The following ZNF638 variants were observed in gnomAD, a reference collection of about 807,000 sequenced individuals.
The protein encoded by ZNF638 is CTCL tumor antigen se33-1.
A neutral mutation model predicts 195.6 loss-of-function variants in ZNF638; 46 were observed. The observed-to-expected ratio is 0.24, with a 90% CI of 0.19 to 0.30. ZNF638 has a LOEUF of 0.30. Ranked by LOEUF, ZNF638 falls within the 10% of genes least tolerant of loss-of-function variation. The pLI, the probability that ZNF638 is intolerant of heterozygous loss-of-function variation, is 1.00. For missense variants in ZNF638, 2,440 were observed against 2,325.3 expected (o/e 1.05, Z -1.01); for synonymous variants, 845 against 772.0 (o/e 1.09, Z -1.57).
chr2:71,364,397 C>G (rs1283969875), intron 5 of ZNF638, 145 bp downstream of exon 5: 5 of 860,578 alleles, frequency 5.8e-6, no homozygotes, highest in Non-Finnish European at 8.6e-6. Flanking sequence ...CAGAGTTATT[C>G]CCTCTGGTAA....
intron 8 of ZNF638, 108 bp downstream of exon 8, chr2:71,370,113 C>A: frequency 8.3e-7 from 1 of 1,207,054 alleles, no homozygotes; most frequent in Non-Finnish European, 1.2e-6. Context: ...TAAATGTTAG[C>A]TCAACACATT....
intron 27 of ZNF638, among the ~76,000 whole-genome samples, chr2:71,434,299 C>T (rs760982980): frequency 3.3e-5 from 5 of 152,082 alleles, no homozygotes; most frequent in Non-Finnish European, 7.4e-5. Flanking sequence ...ACTCGCATGG[C>T]CAGTTCTTCA....
At chr2:71,424,873 A>G (rs998304954) in intron 23 of ZNF638, among the ~76,000 whole-genome samples, 158 bp downstream of exon 23, 1 of 152,126 alleles carries the variant, frequency 6.6e-6, no homozygotes, top group African/African-American at 2.4e-5. Context: ...CTCTAATCCT[A>G]CCATTAATTT....
At chr2:71,430,295 T>C (rs895934673) in intron 25 of ZNF638, among the ~76,000 whole-genome samples, 7 of 152,134 alleles carry the variant, frequency 4.6e-5, no homozygotes, top group Non-Finnish European at 8.8e-5. Context: ...ATTACCCTGA[T>C]GAAGAAATAA....
intron 1 of ZNF638, among the ~76,000 whole-genome samples, chr2:71,338,515 C>T (rs973625569): frequency 7.9e-5 from 12 of 152,180 alleles, no homozygotes; most frequent in African/African-American, 2.7e-4. Flanking sequence ...CTTGCTCAAA[C>T]TTATGATGTA....
rs546690001 is a variant in ZNF638 at position 71,403,906 on chromosome 2, A to T, written c.2866A>T (p.Met956Leu). 2 of 1,600,920 alleles carry T rather than the reference A, an allele frequency of 1.2e-6. No homozygotes were observed. The highest frequency in any genetic ancestry group is 2.2e-5 in the South Asian group (2 of 90,486). Residue 956 changes from methionine (M) to leucine (L), a missense_variant, in exon 17 of 28, where the codon ATG becomes TTG. Met to Leu is a conservative substitution (Grantham distance 15). Around this residue, in one of 5 missense-constraint regions of ZNF638, gnomAD observed 1,883 missense variants for 1,739.1 expected, o/e 1.08. Coordinates refer to ENST00000264447, the MANE Select transcript of ZNF638 (RefSeq NM_014497.5). The stretch of plus-strand genomic sequence containing the variant: ...AATAAATAGAAAAGCTGCTGAGTCT[A>T]TGGTAAAATTTTATACCTGCTTCCC... ...IEINRKAAES[M>L]VKFYTCFPVL...
chr2:71,434,851 A>T lies in ZNF638; in HGVS notation c.*44A>T. The T allele has an allele frequency of 1.3e-6, 2 of 1,490,368 alleles. No individual in the cohort carries two copies. The highest frequency in any genetic ancestry group is 1.8e-6 in the Non-Finnish European group (2 of 1,097,614). 92.3% of individuals were successfully genotyped at this position (1,490,368 alleles called of 1,614,324 possible). A position where few individuals can be genotyped will look rare whatever the true frequency, so the allele number is the denominator to read the frequency against. ...TTCACTAGAAATTTGTTTAGGGTCC[A>T]GTTGATTTGTGTATTTTTGTTATCA... On this transcript the variant is annotated 3_prime_UTR_variant, in exon 28 of 28. Transcript: ENST00000264447.
At chr2:71,353,784 A>G (rs780351000) in intron 2 of ZNF638, among the ~76,000 whole-genome samples, 39 of 152,190 alleles carry the variant, frequency 2.6e-4, no homozygotes, top group Non-Finnish European at 4.7e-4. Flanking sequence ...AATGTTGGCA[A>G]CGTATTCAGA....
chr2:71,364,413 C>G (rs1184156507), intron 5 of ZNF638, among the ~76,000 whole-genome samples, 161 bp downstream of exon 5: 1 of 152,092 alleles, frequency 6.6e-6, no homozygotes, highest in Non-Finnish European at 1.5e-5. Context: ...GGTAACTTGG[C>G]AAAGAAATGT....
At chr2:71,388,775 C>G (rs1367935633) in intron 10 of ZNF638, 1 of 930,590 alleles carries the variant, frequency 1.1e-6, no homozygotes, top group South Asian at 1.4e-5. Context: ...AATTCTCAGA[C>G]TAGAGTTTCA....
rs1450561389 is a variant in ZNF638, at chr2:71,348,904, G to A, written c.-51G>A. On this transcript the variant is annotated 5_prime_UTR_variant, in exon 2 of 28. The change abolishes an upstream ATG in the 5' untranslated region. Transcript: ENST00000264447. ...GCAGCTGAATGCCGTTGCCTCACAT[G>A]GTTCAACACCACCTTATACTTTATT... 3.7e-6 allele frequency: 6 copies of A among 1,614,004 alleles called. No homozygotes were observed. The highest frequency in any genetic ancestry group is 5.1e-6 in the Non-Finnish European group (6 of 1,179,990).
At chr2:71,356,654 G>C (rs978921519) in intron 3 of ZNF638, among the ~76,000 whole-genome samples, 2 of 152,062 alleles carry the variant, frequency 1.3e-5, no homozygotes, top group African/African-American at 2.4e-5. Context: ...GCCAGGCATG[G>C]TAGTACACAT....
At chr2:71,343,857 G>A (rs1200421493) in intron 1 of ZNF638, among the ~76,000 whole-genome samples, 1 of 115,366 alleles carries the variant, frequency 8.7e-6, no homozygotes, top group African/African-American at 2.6e-5. Context: ...GCCGCCAGGC[G>A]CGGTGGCTCA....
chr2:71,409,362 G>C (rs182242375), intron 20 of ZNF638, among the ~76,000 whole-genome samples: 95 of 152,118 alleles, frequency 6.2e-4, no homozygotes, highest in African/African-American at 1.9e-3. Context: ...TTACTTCTTT[G>C]TGTAGTATGT....
intron 19 of ZNF638, 69 bp downstream of exon 19, chr2:71,406,331 A>C (rs375052911): frequency 7.2e-7 from 1 of 1,388,998 alleles, no homozygotes; most frequent in East Asian, 2.3e-5. Context: ...TATTCTGACA[A>C]TCTGCAACTT....
chr2:71,369,323 A>C (rs1369502622), intron 7 of ZNF638, among the ~76,000 whole-genome samples: 11 of 9,030 alleles, frequency 1.2e-3, no homozygotes, highest in Admixed American at 3.5e-3. Context: ...GCTCCGTCTC[A>C]AAAAAAAAAA....
At chr2:71,365,938 C>T (rs959883417) in intron 6 of ZNF638, among the ~76,000 whole-genome samples, 2 of 152,124 alleles carry the variant, frequency 1.3e-5, no homozygotes, top group East Asian at 1.9e-4. Flanking sequence ...AGGCTGGTCT[C>T]GAACTACTAG....
chr2:71,389,374 A>G (rs1033054159), intron 10 of ZNF638, among the ~76,000 whole-genome samples: 2 of 152,222 alleles, frequency 1.3e-5, no homozygotes, highest in African/African-American at 2.4e-5. Flanking sequence ...CATCAGAGCA[A>G]ACGGAGCTGC....
intron 1 of ZNF638, among the ~76,000 whole-genome samples, chr2:71,335,459 A>G (rs1409674902): frequency 4.6e-5 from 7 of 152,176 alleles, no homozygotes; most frequent in African/African-American, 1.7e-4. Flanking sequence ...TCTTATTTCC[A>G]CAGTCGGTTA....
Sources: gnomAD v4.1 joint callset for allele counts (sites outside exome capture counted in the v4.1 genomes callset) on GRCh38, gnomAD v4.1.1 for gene constraint, gnomAD v4.1.1 regional missense constraint, MANE v1.5 for transcripts, NCBI Gene and HGNC (gene_info 2026-07-23, HGNC 2026-07-21) for gene names.